The following PCLO variants were observed in gnomAD, a reference collection of about 807,000 sequenced individuals.
PCLO encodes the protein protein piccolo.
A neutral mutation model predicts 427.5 loss-of-function variants in PCLO; 82 were observed. That is an observed-to-expected ratio of 0.19 (90% CI 0.16 to 0.23). The LOEUF (loss-of-function observed/expected upper bound fraction) is 0.23. PCLO is among the 10% of genes least tolerant of loss of function. The pLI is 1.00. For synonymous variants in PCLO, 2,357 were observed against 2,155.4 expected, an observed-to-expected ratio of 1.09 and a Z score of -2.59; for missense variants, 6,239 against 6,115.9, an observed-to-expected ratio of 1.02 and a Z score of -0.67.
At chr7:82,903,315 T>C (rs1277788159) in intron 8 of PCLO, among the ~76,000 whole-genome samples, 3 of 151,954 alleles carry the variant, frequency 2.0e-5, no homozygotes, top group Non-Finnish European at 2.9e-5. Context: ...AGACTAATTC[T>C]ATATAAATAA....
intron 10 of PCLO, among the ~76,000 whole-genome samples, chr7:82,854,268 T>C (rs1385584310): frequency 6.6e-6 from 1 of 152,122 alleles, no homozygotes; most frequent in Non-Finnish European, 1.5e-5. Context: ...TGGTTAACTC[T>C]GCATGGGACA....
At chr7:82,871,455 G>C (rs891854447) in intron 10 of PCLO, among the ~76,000 whole-genome samples, 6 of 151,878 alleles carry the variant, frequency 4.0e-5, no homozygotes, top group African/African-American at 1.4e-4. Context: ...GTTGGAATGG[G>C]TGGTGTGGAG....
intron 20 of PCLO, among the ~76,000 whole-genome samples, chr7:82,813,857 A>C (rs560058261): frequency 5.3e-5 from 8 of 151,846 alleles, no homozygotes; most frequent in Non-Finnish European, 1.0e-4. Context: ...GAAATTGAGG[A>C]TCAAGTATTT....
At position 82,952,387 on chromosome 7, in the gene PCLO, A is replaced by G. The variant is rs772235135; in HGVS notation, c.8566T>C (p.Ser2856Pro). The change falls in exon 5 of 25, where the codon TCT (serine) becomes CCT (proline). Residue 2856 changes from serine (S) to proline (P), a missense_variant. Around this residue, in one of 5 missense-constraint regions of PCLO, gnomAD observed 4,677 missense variants for 4,468.4 expected, o/e 1.05. Transcript: ENST00000333891. ...ACTGCATGTGCTGGAGTACCTAGAG[A>G]TAAGTTTATTGGTGCTTCTTCCCTA... is the stretch of plus-strand genomic sequence containing the variant. The part of the protein sequence containing the change: ...IAREEAPINL[S>P]LGTPAHAVTL... 1.9e-6 allele frequency: 3 copies of G among 1,613,896 alleles called. No homozygotes were observed. Among genetic ancestry groups the G allele is most frequent in the East Asian group, 2.2e-5 (1 of 44,846 alleles).
rs1791788855 is a variant in PCLO, at chr7:82,821,442, A to ACT, written c.14791+1051_14791+1052dup. On this transcript the variant is annotated intron_variant, in intron 20 of 24. Coordinates refer to ENST00000333891, the MANE Select transcript of PCLO (RefSeq NM_033026.6). ...GCCAAAATGACACCACATGCACAGC[A>ACT]CTAAAGGGGTTTAAAACTGGCTGTT... 18 of 985,482 alleles carry ACT rather than the reference A, an allele frequency of 1.8e-5. 1 individual carries two copies. The South Asian group carries it at 8.0e-4, about 44-fold the overall frequency. 61.0% of individuals were successfully genotyped at this position (985,482 alleles called of 1,614,324 possible). A position where few individuals can be genotyped will look rare whatever the true frequency, so the allele number is the denominator to read the frequency against.
intron 20 of PCLO, chr7:82,820,883 C>A: frequency 8.1e-7 from 1 of 1,230,590 alleles, no homozygotes; most frequent in South Asian, 4.2e-5. Context: ...CAACAAAAGT[C>A]AAAAGATGCC....
At chr7:82,792,802 T>C (rs922048886) in intron 22 of PCLO, among the ~76,000 whole-genome samples, 2 of 152,170 alleles carry the variant, frequency 1.3e-5, no homozygotes, top group Non-Finnish European at 2.9e-5. Context: ...AATAATTTTG[T>C]ATTGCCTTTA....
intron 3 of PCLO, among the ~76,000 whole-genome samples, chr7:83,070,114 T>A (rs1789774267): frequency 6.6e-6 from 1 of 152,054 alleles, no homozygotes; most frequent in African/African-American, 2.4e-5. Flanking sequence ...GCACGTGCTC[T>A]CTCACTTCAA....
intron 6 of PCLO, among the ~76,000 whole-genome samples, chr7:82,923,481 C>T (rs1380547773): frequency 6.6e-6 from 1 of 151,988 alleles, no homozygotes; most frequent in Non-Finnish European, 1.5e-5. Context: ...TTATTACATA[C>T]CAGTCAAATT....
chr7:83,124,208 T>C (rs1190589842), intron 3 of PCLO, among the ~76,000 whole-genome samples: 1 of 149,968 alleles, frequency 6.7e-6, no homozygotes, highest in East Asian at 2.0e-4. Context: ...TCCCAGCTAC[T>C]CGGAAGGCTG....
rs934144164 is a variant in PCLO, at chr7:82,897,304, C to G, written c.13528+5347G>C. Among the ~76,000 whole-genome samples the G allele has an allele frequency of 2.0e-5, 3 of 151,514 alleles. No homozygotes were observed. The East Asian group carries it at 5.8e-4, about 29-fold the overall frequency. On this transcript the variant is annotated intron_variant, in intron 9 of 24. Coordinates refer to ENST00000333891, the MANE Select transcript of PCLO (RefSeq NM_033026.6). ...TGTTGCCTTGTGTTTTGCTGAGTAC[C>G]TTCAAAACCATTGTACAGTTGTTGA...
chr7:82,805,379 T>C (rs1216605112), intron 21 of PCLO, among the ~76,000 whole-genome samples: 1 of 152,206 alleles, frequency 6.6e-6, no homozygotes, highest in Non-Finnish European at 1.5e-5. Context: ...GGTCATTATG[T>C]GATTAAAACA....
Position 82,953,747 on chromosome 7 carries a change from T to A in PCLO, c.7206A>T (p.Ser2402=). The A allele has an allele frequency of 6.5e-7, 1 of 1,541,134 alleles. No homozygotes were observed. Among genetic ancestry groups the A allele is most frequent in the Non-Finnish European group, 8.8e-7 (1 of 1,140,142 alleles). ...PFFRSSSLDI[S]AQPPPPPPPP... is the part of the protein sequence containing the mutation. ...GGGGAGGAGGGGGAGGAGGTTGAGCTGATATATCCAAAGAAGAACTTCTAA... is the reference window on the plus strand; with the variant it reads ...GGGGAGGAGGGGGAGGAGGTTGAGCAGATATATCCAAAGAAGAACTTCTAA... Residue 2402 remains serine (S), a synonymous_variant, in exon 5 of 25, where the codon TCA becomes TCT. Coordinates refer to ENST00000333891, the MANE Select transcript of PCLO (RefSeq NM_033026.6).
chr7:82,926,501 CATGTAT>C (rs1794715588), intron 6 of PCLO, among the ~76,000 whole-genome samples: 2 of 152,230 alleles, frequency 1.3e-5, no homozygotes, highest in African/African-American at 2.4e-5. Flanking sequence ...AAAAGTCGTA[CATGTAT>C]AAGTTATTTA....
At chr7:83,100,623 AGAGAGG>A (rs1790713703) in intron 3 of PCLO, among the ~76,000 whole-genome samples, 1 of 152,110 alleles carries the variant, frequency 6.6e-6, no homozygotes, top group African/African-American at 2.4e-5. Context: ...GTGCTCACAT[AGAGAGG>A]AACAACACAC....
Position 82,952,221 on chromosome 7 carries a change from G to A in PCLO, c.8732C>T (p.Thr2911Ile). 6.2e-7 allele frequency: 1 copy of A among 1,613,724 alleles called. No individual in the cohort carries two copies. Among genetic ancestry groups the A allele is most frequent in the Non-Finnish European group, 8.5e-7 (1 of 1,179,822 alleles). The change falls in exon 5 of 25, where the codon ACA becomes ATA. Residue 2911 changes from threonine to isoleucine, a missense_variant. Thr to Ile is a moderately conservative substitution (Grantham distance 89, BLOSUM62 -1). This residue lies in a region of PCLO where 4,677 missense variants were observed against 4,468.4 expected (regional missense o/e 1.05). Transcript: ENST00000333891. ...STTKSHRTVV[T>I]MDESTSSVMT... ...CACACTTGAAGTAGACTCATCCATT[G>A]TTACGACTGTTCTGTGAGACTTGGT...
At chr7:82,806,675 A>T (rs1278105899) in intron 20 of PCLO, among the ~76,000 whole-genome samples, 1 of 152,178 alleles carries the variant, frequency 6.6e-6, no homozygotes, top group Non-Finnish European at 1.5e-5. Context: ...CGCCAGAGAG[A>T]GTGAACTTTT....
At chr7:82,814,925 A>T (rs1791645096) in intron 20 of PCLO, among the ~76,000 whole-genome samples, 1 of 152,038 alleles carries the variant, frequency 6.6e-6, no homozygotes, top group Non-Finnish European at 1.5e-5. Context: ...AAATGAGAAG[A>T]AACTGATTAG....
At chr7:83,116,374 T>C (rs908821563) in intron 3 of PCLO, among the ~76,000 whole-genome samples, 1 of 152,156 alleles carries the variant, frequency 6.6e-6, no homozygotes, top group Admixed American at 6.6e-5. Flanking sequence ...AGAACATGTG[T>C]TTTCTGCTAG....
Sources: gnomAD v4.1 joint callset for allele counts (sites outside exome capture counted in the v4.1 genomes callset) on GRCh38, gnomAD v4.1.1 for gene constraint, gnomAD v4.1.1 regional missense constraint, MANE v1.5 for transcripts, NCBI Gene and HGNC (gene_info 2026-07-23, HGNC 2026-07-21) for gene names.